Variants in TTLL5 observed in about 807,000 individuals in gnomAD.
The protein encoded by TTLL5 is tubulin tyrosine ligase like 5.
In TTLL5, 132 loss-of-function variants were observed where a neutral mutation model predicts 168.4. That is an observed-to-expected ratio of 0.78 (90% CI 0.68 to 0.91). The LOEUF (loss-of-function observed/expected upper bound fraction) is 0.91, where lower values mean the gene tolerates loss of function less well. Ranked by LOEUF, TTLL5 falls within the 40% of genes least tolerant of loss-of-function variation. The pLI is 0.00. For missense variants in TTLL5, 1,545 were observed against 1,581.5 expected (o/e 0.98, Z 0.39); for synonymous variants, 546 against 558.6 (o/e 0.98, Z 0.32).
chr14:75,881,319 T>A (rs905166490), intron 29 of TTLL5, among the ~76,000 whole-genome samples: 2 of 152,176 alleles, frequency 1.3e-5, no homozygotes, highest in Non-Finnish European at 2.9e-5. Context: ...GTCAGATTGG[T>A]CTGACTGAAA....
intron 27 of TTLL5, among the ~76,000 whole-genome samples, chr14:75,818,946 A>G (rs547018098): frequency 6.6e-6 from 1 of 152,332 alleles, no homozygotes; most frequent in African/African-American, 2.4e-5. Flanking sequence ...GTAGTGAGTA[A>G]GAAAATGGGC....
At chr14:75,926,122 CTATG>C (rs1390189821) in intron 31 of TTLL5, among the ~76,000 whole-genome samples, 1 of 103,288 alleles carries the variant, frequency 9.7e-6, no homozygotes. Flanking sequence ...GAGAACTTGT[CTATG>C]TATTTTAAAG....
intron 28 of TTLL5, among the ~76,000 whole-genome samples, chr14:75,825,938 C>T (rs1030355978): frequency 6.6e-6 from 1 of 152,090 alleles, no homozygotes; most frequent in African/African-American, 2.4e-5. Context: ...AGCTCTGTGA[C>T]AGATTCTACA....
In TTLL5 at chr14:75,820,049, A is replaced by C. The variant is rs1894738778; in HGVS notation, c.3214A>C (p.Ser1072Arg). The C allele has an allele frequency of 1.2e-6, 2 of 1,606,816 alleles. No individual in the cohort carries two copies. ...NLATGIINRS[S>R]ASAPPTLRPI... is the part of the protein sequence containing the mutation. ...GGCAACTGGCATCATAAACAGAAGC[A>C]GTGCTTCAGCTCCCCCAACCCTCCG... The change falls in exon 28 of 32, where the codon AGT (serine) becomes CGT (arginine). Residue 1072 changes from serine to arginine, a missense_variant. By Grantham distance (110) the Ser-to-Arg change is moderately radical. Transcript: ENST00000298832.
chr14:75,707,322 G>C (rs1886726201), intron 8 of TTLL5, among the ~76,000 whole-genome samples: 1 of 152,026 alleles, frequency 6.6e-6, no homozygotes, highest in Non-Finnish European at 1.5e-5. Flanking sequence ...TATGAAAATT[G>C]TGCAGTAATT....
At chr14:75,949,845 G>A (rs977829774) in intron 31 of TTLL5, among the ~76,000 whole-genome samples, 1 of 148,842 alleles carries the variant, frequency 6.7e-6, no homozygotes, top group African/African-American at 2.5e-5. Context: ...GCGAGACTCT[G>A]TCTCCAAAAA....
chr14:75,792,347 A>G (rs972121329), intron 26 of TTLL5, among the ~76,000 whole-genome samples: 2 of 151,928 alleles, frequency 1.3e-5, no homozygotes, highest in Non-Finnish European at 1.5e-5. Context: ...CGTTGTGCAC[A>G]TGTACCCTAG....
chr14:75,728,305 G>A (rs1429964869), intron 12 of TTLL5, among the ~76,000 whole-genome samples: 3 of 148,024 alleles, frequency 2.0e-5, no homozygotes, highest in South Asian at 2.1e-4. Flanking sequence ...GCAGCGAGCC[G>A]ATATTACACC....
At chr14:75,698,108 C>G (rs1885996300) in intron 6 of TTLL5, among the ~76,000 whole-genome samples, 1 of 152,204 alleles carries the variant, frequency 6.6e-6, no homozygotes. Flanking sequence ...GGAAGAGGCA[C>G]AGCTGGGACC....
At chr14:75,807,712 C>T (rs181380304) in intron 27 of TTLL5, among the ~76,000 whole-genome samples, 9 of 152,332 alleles carry the variant, frequency 5.9e-5, no homozygotes, top group Non-Finnish European at 1.0e-4. Flanking sequence ...CTCTTTACCT[C>T]AGTGTTTTTC....
At chr14:75,765,256 C>T (rs905051672) in intron 19 of TTLL5, among the ~76,000 whole-genome samples, 1 of 152,020 alleles carries the variant, frequency 6.6e-6, no homozygotes, top group Admixed American at 6.6e-5. Context: ...CTCCTGTGAA[C>T]GTCTGTGTCA....
chr14:75,937,539 G>C (rs574581642), intron 31 of TTLL5, among the ~76,000 whole-genome samples: 28 of 151,980 alleles, frequency 1.8e-4, no homozygotes, highest in African/African-American at 6.5e-4. Context: ...TTTGCCCCCA[G>C]CCCCTGGCAA....
intron 29 of TTLL5, among the ~76,000 whole-genome samples, chr14:75,872,240 A>T (rs2031096222): frequency 6.6e-6 from 1 of 152,232 alleles, no homozygotes; most frequent in Non-Finnish European, 1.5e-5. Flanking sequence ...CTCAAGAAAG[A>T]GAATGATCTT....
intron 30 of TTLL5, among the ~76,000 whole-genome samples, chr14:75,885,523 ATTG>A (rs2032070140): frequency 6.6e-6 from 1 of 152,206 alleles, no homozygotes; most frequent in African/African-American, 2.4e-5. Context: ...TGTTTTTTCC[ATTG>A]TTAACATCTG....
At chr14:75,725,096 C>T (rs1363948037) in intron 12 of TTLL5, among the ~76,000 whole-genome samples, 2 of 152,180 alleles carry the variant, frequency 1.3e-5, no homozygotes, top group Non-Finnish European at 2.9e-5. Context: ...AGCCCAGTGA[C>T]GTGTTTGCTC....
intron 15 of TTLL5, chr14:75,744,722 C>G (rs1889491849): frequency 6.4e-6 from 1 of 157,474 alleles, no homozygotes. Flanking sequence ...GAAATAAATA[C>G]ACATTTATTT....
chr14:75,797,646 GC>G (rs950137383), intron 27 of TTLL5, among the ~76,000 whole-genome samples: 62 of 152,176 alleles, frequency 4.1e-4, no homozygotes, highest in African/African-American at 1.5e-3. Context: ...TTTGTCAGAT[GC>G]TTTTTCTGTG....
intron 31 of TTLL5, among the ~76,000 whole-genome samples, chr14:75,907,164 G>T (rs187973846): frequency 6.6e-6 from 1 of 152,124 alleles, no homozygotes; most frequent in Non-Finnish European, 1.5e-5. Context: ...TCAAATTTTG[G>T]TGAGGTTGAT....
chr14:75,728,321 A>C (rs1225632428), intron 12 of TTLL5, among the ~76,000 whole-genome samples: 1 of 150,070 alleles, frequency 6.7e-6, no homozygotes, highest in Non-Finnish European at 1.5e-5. Flanking sequence ...ACACCATTGC[A>C]CTCTAGCCTG....
Sources: gnomAD v4.1 joint callset for allele counts (sites outside exome capture counted in the v4.1 genomes callset) on GRCh38, gnomAD v4.1.1 for gene constraint, MANE v1.5 for transcripts, NCBI Gene and HGNC (gene_info 2026-07-23, HGNC 2026-07-21) for gene names.